The following GHR variants were observed in gnomAD, a reference collection of about 807,000 sequenced individuals.
GHR encodes the protein GH receptor.
In GHR, 35 loss-of-function variants were observed where a neutral mutation model predicts 67.1. That is an observed-to-expected ratio of 0.52 (90% CI 0.40 to 0.69). GHR has a LOEUF of 0.69. Among genes scored for constraint, GHR ranks in the 30% least tolerant of loss-of-function variants. GHR has a pLI of 0.00. For synonymous variants in GHR, 272 were observed against 269.1 expected (o/e 1.01, Z -0.10); for missense variants, 792 against 764.6 (o/e 1.04, Z -0.42).
At chr5:42,687,538 C>G (rs1004428439) in intron 3 of GHR, among the ~76,000 whole-genome samples, 1 of 152,050 alleles carries the variant, frequency 6.6e-6, no homozygotes, top group Admixed American at 6.6e-5. Flanking sequence ...ACAAAATTTG[C>G]GTTTAATAAT....
intron 6 of GHR, among the ~76,000 whole-genome samples, chr5:42,708,295 A>C (rs1758280370): frequency 6.6e-6 from 1 of 152,142 alleles, no homozygotes; most frequent in African/African-American, 2.4e-5. Flanking sequence ...CATTTACGAA[A>C]ATAGCACATT....
At chr5:42,617,558 G>A (rs1052686450) in intron 2 of GHR, among the ~76,000 whole-genome samples, 1 of 152,058 alleles carries the variant, frequency 6.6e-6, no homozygotes, top group African/African-American at 2.4e-5. Flanking sequence ...TGGGAGTTCT[G>A]TTCCTCCCCA....
intron 2 of GHR, among the ~76,000 whole-genome samples, chr5:42,599,765 CT>C (rs747671007): frequency 1.5e-3 from 226 of 151,510 alleles, no homozygotes; most frequent in Non-Finnish European, 2.3e-3. Context: ...TGTCCAGCTT[CT>C]TTTTTTTTAT....
At position 42,468,428 on chromosome 5, in the gene GHR, A is replaced by C. The variant is rs543393481; in HGVS notation, c.-12+44473A>C. On this transcript the variant is annotated intron_variant, in intron 1 of 9. Coordinates refer to ENST00000230882, the MANE Select transcript of GHR (RefSeq NM_000163.5). Reference sequence around the variant, plus strand: ...AAAGCTTCTTCTTGAGTTTCCTCCCAGGGCCAAGATGAGTATTGCCTACGT... The same window carrying C: ...AAAGCTTCTTCTTGAGTTTCCTCCCCGGGCCAAGATGAGTATTGCCTACGT... The C allele has an allele frequency of 2.9e-6, 3 of 1,026,456 alleles. No individual in the cohort carries two copies. In the East Asian group the frequency reaches 7.3e-5, roughly 25 times the overall value. 63.6% of individuals were successfully genotyped at this position (1,026,456 alleles called of 1,614,324 possible).
At chr5:42,504,539 T>A (rs544526091) in intron 1 of GHR, among the ~76,000 whole-genome samples, 188 of 152,162 alleles carry the variant, frequency 1.2e-3, no homozygotes, top group African/African-American at 4.1e-3. Context: ...GGTGGGTAGA[T>A]CACGAGGTCA....
At chr5:42,661,960 C>A (rs529992698) in intron 3 of GHR, among the ~76,000 whole-genome samples, 220 of 152,246 alleles carry the variant, frequency 1.4e-3, no homozygotes, top group African/African-American at 4.9e-3. Context: ...CAATCCTCGT[C>A]TCTGATAAAA....
intron 3 of GHR, among the ~76,000 whole-genome samples, chr5:42,636,209 C>CAAAAAAAAAAAAAA (rs11373491): frequency 1.2e-5 from 1 of 81,950 alleles, no homozygotes; most frequent in African/African-American, 4.6e-5. Context: ...GACCCCGTTT[C>CAAAAAAAAAAAAAA]AAAAAAAAAA....
At chr5:42,608,329 T>A (rs974138919) in intron 2 of GHR, among the ~76,000 whole-genome samples, 3 of 151,896 alleles carry the variant, frequency 2.0e-5, no homozygotes, top group Non-Finnish European at 4.4e-5. Context: ...TGGATTTATA[T>A]TTTTTTTGTA....
intron 1 of GHR, among the ~76,000 whole-genome samples, chr5:42,491,179 G>A (rs1020108897): frequency 1.3e-5 from 2 of 152,222 alleles, no homozygotes; most frequent in Non-Finnish European, 2.9e-5. Context: ...TTTGCTTTGT[G>A]TATATCTGCA....
chr5:42,631,344 C>A (rs149998650), intron 3 of GHR, among the ~76,000 whole-genome samples: 5 of 152,294 alleles, frequency 3.3e-5, no homozygotes, highest in African/African-American at 1.2e-4. Context: ...TATCAAAAGT[C>A]ACCTGCTCTC....
At position 42,628,791 on chromosome 5, in the gene GHR, A is replaced by G. The variant is rs1476083569; in HGVS notation, c.71-247A>G. 3.1e-5 allele frequency among the ~76,000 whole-genome samples: 4 copies of G among 131,004 alleles called. 2 individuals are homozygous for G. Among genetic ancestry groups the G allele is most frequent in the African/African-American group, 6.5e-5 (2 of 30,916 alleles). The allele number at this position is 131,004 out of a possible 152,430, so 85.9% of individuals were successfully genotyped here. A position where few individuals can be genotyped will look rare whatever the true frequency, so the allele number is the denominator to read the frequency against. On this transcript the variant is annotated intron_variant, in intron 2 of 9. Coordinates refer to ENST00000230882, the MANE Select transcript of GHR (RefSeq NM_000163.5). ...TAGTATCTTATTGCCCAAAGAGTCT[A>G]TTTAGTCAGTCTTATGATCTCTACT...
chr5:42,661,417 T>C (rs1193150105), intron 3 of GHR, among the ~76,000 whole-genome samples: 2 of 152,130 alleles, frequency 1.3e-5, no homozygotes, highest in Non-Finnish European at 2.9e-5. Flanking sequence ...TGGCAGAAAC[T>C]CTACAAGCCA....
At position 42,663,586 on chromosome 5, in the gene GHR, G is replaced by A. The variant is rs1356303472; in HGVS notation, c.137-25304G>A. Among the ~76,000 whole-genome samples, 7 of 152,180 alleles carry A rather than the reference G, an allele frequency of 4.6e-5. No individual in the cohort carries two copies. The East Asian group carries it at 1.4e-3, about 29-fold the overall frequency. ...CTCTCAATAAATTAGGTATTGATGG[G>A]ACATATCTCAAAATAATAAGAGCTA... is the stretch of plus-strand genomic sequence containing the variant. On this transcript the variant is annotated intron_variant, in intron 3 of 9. Transcript: ENST00000230882.
intron 1 of GHR, among the ~76,000 whole-genome samples, chr5:42,530,338 T>C (rs1052642653): frequency 4.2e-4 from 64 of 152,202 alleles, no homozygotes; most frequent in Admixed American, 4.1e-3. Context: ...CCAAGTCTTA[T>C]GATGAATACT....
intron 1 of GHR, among the ~76,000 whole-genome samples, chr5:42,437,056 T>C (rs900349010): frequency 3.9e-5 from 6 of 152,190 alleles, no homozygotes; most frequent in African/African-American, 7.2e-5. Flanking sequence ...ACACAATCTA[T>C]GTAAAACACA....
chr5:42,646,360 A>G (rs2112806711), intron 3 of GHR: 1 of 455,006 alleles, frequency 2.2e-6, no homozygotes, highest in Non-Finnish European at 4.4e-6. Context: ...ATATCAAGAA[A>G]ATGGTGGGTT....
At chr5:42,631,612 A>G (rs1753932044) in intron 3 of GHR, among the ~76,000 whole-genome samples, 2 of 152,216 alleles carry the variant, frequency 1.3e-5, no homozygotes, top group South Asian at 4.1e-4. Context: ...TACTGCCTTG[A>G]CATCAAGGAG....
intron 3 of GHR, among the ~76,000 whole-genome samples, chr5:42,688,624 G>C (rs534172481): frequency 3.9e-5 from 6 of 152,192 alleles, no homozygotes; most frequent in Admixed American, 3.3e-4. Flanking sequence ...TCTAGCTCTG[G>C]TTTCTTAAAC....
intron 1 of GHR, among the ~76,000 whole-genome samples, chr5:42,529,999 C>CTTTTTTTTTTTTTT (rs376534691): frequency 1.7e-5 from 1 of 57,568 alleles, no homozygotes; most frequent in Non-Finnish European, 3.3e-5. Context: ...TGAATCACTT[C>CTTTTTTTTTTTTTT]TTTTTTTTTT....
Sources: gnomAD v4.1 joint callset for allele counts (sites outside exome capture counted in the v4.1 genomes callset) on GRCh38, gnomAD v4.1.1 for gene constraint, MANE v1.5 for transcripts, NCBI Gene and HGNC (gene_info 2026-07-23, HGNC 2026-07-21) for gene names.